CARNMT1: variants seen among roughly 807,000 people sequenced by gnomAD.
CARNMT1 encodes the protein carnosine N-methyltransferase 1.
CARNMT1 carries 28 observed loss-of-function variants against 49.6 expected under a neutral mutation model. That is an observed-to-expected ratio of 0.56 (90% CI 0.42 to 0.77). CARNMT1 has a LOEUF of 0.77. Among genes scored for constraint, CARNMT1 ranks in the 30% least tolerant of loss-of-function variants. CARNMT1 has a pLI of 0.00. For missense variants in CARNMT1, 421 were observed against 512.6 expected (o/e 0.82, Z 1.73); for synonymous variants, 178 against 175.0 (o/e 1.02, Z -0.13).
At chr9:74,998,931 TAC>T (rs1833276826) in intron 4 of CARNMT1, among the ~76,000 whole-genome samples, 155 bp from the exon 5 acceptor site, 1 of 152,112 alleles carries the variant, frequency 6.6e-6, no homozygotes, top group South Asian at 2.1e-4. Context: ...TCTGAAAATG[TAC>T]ATATACATGT....
chr9:75,005,138 C>T (rs577722812), intron 3 of CARNMT1, among the ~76,000 whole-genome samples: 1 of 152,124 alleles, frequency 6.6e-6, no homozygotes, highest in South Asian at 2.1e-4. Flanking sequence ...TATGTTCATA[C>T]GTGAGAAAAA....
chr9:75,027,506 G>A (rs1195371992), intron 1 of CARNMT1: 51 of 983,338 alleles, frequency 5.2e-5, no homozygotes, highest in Non-Finnish European at 6.0e-5. Context: ...GCGCCAAAGA[G>A]GGGTGGGTGG....
At chr9:75,003,484 G>T (rs971404679) in intron 3 of CARNMT1, among the ~76,000 whole-genome samples, 16 of 152,248 alleles carry the variant, frequency 1.1e-4, no homozygotes, top group Non-Finnish European at 1.8e-4. Flanking sequence ...AAGGCGCTAA[G>T]CAGTCTCAAC....
At chr9:75,013,745 T>C (rs192527162) in intron 3 of CARNMT1, among the ~76,000 whole-genome samples, 129 of 152,246 alleles carry the variant, frequency 8.5e-4, no homozygotes, top group African/African-American at 3.0e-3. Flanking sequence ...GGTTTATGCC[T>C]GTAATCCCAA....
chr9:75,027,273 G>T, intron 1 of CARNMT1: 2 of 560,120 alleles, frequency 3.6e-6, no homozygotes, highest in Non-Finnish European at 4.5e-6. Flanking sequence ...TGAATGAGGA[G>T]CATAAAGGTC....
rs549752123 is a variant in CARNMT1 at position 75,016,566 on chromosome 9, C to G, written c.427-135G>C. On this transcript the variant is annotated intron_variant, in intron 2 of 7. Coordinates refer to ENST00000376834, the MANE Select transcript of CARNMT1 (RefSeq NM_152420.3). ...CTAGCCTCTCACCTCAACTGGGGTT[C>G]AAGTGCAGCTTGAGATCCTAAATGA... 5 of 735,174 alleles carry G rather than the reference C, an allele frequency of 6.8e-6. No homozygotes were observed. The East Asian group carries it at 1.0e-4, about 15-fold the overall frequency. 45.5% of individuals were successfully genotyped at this position (735,174 alleles called of 1,614,324 possible). A position where few individuals can be genotyped will look rare whatever the true frequency, so the allele number is the denominator to read the frequency against.
intron 3 of CARNMT1, among the ~76,000 whole-genome samples, chr9:75,006,776 T>C (rs1833523479): frequency 6.6e-6 from 1 of 152,248 alleles, no homozygotes. Flanking sequence ...AAAAATAACC[T>C]ATTAGTACCA....
At chr9:75,020,063 A>C (rs940969805) in intron 1 of CARNMT1, among the ~76,000 whole-genome samples, 2 of 152,212 alleles carry the variant, frequency 1.3e-5, no homozygotes, top group Admixed American at 6.5e-5. Flanking sequence ...GAAAGCAAAG[A>C]AGTAAAAATT....
At chr9:74,987,702 G>T (rs1012519824) in intron 6 of CARNMT1, among the ~76,000 whole-genome samples, 1 of 151,866 alleles carries the variant, frequency 6.6e-6, no homozygotes, top group Non-Finnish European at 1.5e-5. Context: ...AGTGGCCATG[G>T]TTACACAATT....
chr9:75,023,707 G>A lies in CARNMT1; in HGVS notation c.230+4305C>T, dbSNP rs78634006. ...CTATCAGAATTGCTTTAAGGCAGGG[G>A]CCCATTGGCTACCTGGTTTTTGTAC... On this transcript the variant is annotated intron_variant, in intron 1 of 7. Coordinates refer to ENST00000376834, the MANE Select transcript of CARNMT1 (RefSeq NM_152420.3). Among the ~76,000 whole-genome samples the A allele has an allele frequency of 8.5e-5, 13 of 152,282 alleles. No homozygotes were observed. The East Asian group carries it at 2.3e-3, about 27-fold the overall frequency.
At chr9:74,999,609 G>T in intron 4 of CARNMT1, 121 bp downstream of exon 4, 1 of 765,232 alleles carries the variant, frequency 1.3e-6, no homozygotes, top group Non-Finnish European at 2.0e-6. Flanking sequence ...AGACACATTT[G>T]TGATATATAT....
chr9:74,999,980 A>C, intron 3 of CARNMT1, 110 bp from the exon 4 acceptor site: 1 of 906,520 alleles, frequency 1.1e-6, no homozygotes, highest in African/African-American at 1.7e-5. Context: ...GAATAAGCTA[A>C]GACTCTGACT....
intron 6 of CARNMT1, among the ~76,000 whole-genome samples, chr9:74,992,492 TAC>T (rs1018961434): frequency 4.9e-4 from 74 of 152,282 alleles, no homozygotes; most frequent in African/African-American, 1.7e-3. Flanking sequence ...AGTGGATACA[TAC>T]ACACACACTT....
chr9:75,023,854 C>T (rs1475446482), intron 1 of CARNMT1, among the ~76,000 whole-genome samples: 1 of 152,220 alleles, frequency 6.6e-6, no homozygotes, highest in Non-Finnish European at 1.5e-5. Context: ...AAAATATTTA[C>T]TGCCTGGCCC....
At chr9:75,017,547 T>C (rs768971048) in intron 1 of CARNMT1, 99 bp from the exon 2 acceptor site, 59 of 925,772 alleles carry the variant, frequency 6.4e-5, no homozygotes, top group Non-Finnish European at 9.6e-5. Flanking sequence ...TTCCTTATTA[T>C]GCTGGATACT....
chr9:75,011,224 G>A (rs1449639151), intron 3 of CARNMT1, among the ~76,000 whole-genome samples: 1 of 152,170 alleles, frequency 6.6e-6, no homozygotes. Flanking sequence ...AGACAAAACA[G>A]TGCAACCCTT....
chr9:75,024,757 G>A (rs1019664640), intron 1 of CARNMT1, among the ~76,000 whole-genome samples: 3 of 152,130 alleles, frequency 2.0e-5, no homozygotes, highest in African/African-American at 7.2e-5. Context: ...ATTGAACCCT[G>A]CAAAATCTGG....
chr9:75,027,045 A>G, intron 1 of CARNMT1: 1 of 1,300,232 alleles, frequency 7.7e-7, no homozygotes, highest in Non-Finnish European at 1.0e-6. Flanking sequence ...CTATGGGAAC[A>G]GGTTTACCTG....
intron 1 of CARNMT1, 59 bp downstream of exon 1, chr9:75,027,953 C>G: frequency 6.7e-7 from 1 of 1,485,156 alleles, no homozygotes; most frequent in Non-Finnish European, 8.9e-7. Context: ...TCCGGCGGGT[C>G]CGCCGCCACC....
Sources: gnomAD v4.1 joint callset for allele counts (sites outside exome capture counted in the v4.1 genomes callset) on GRCh38, gnomAD v4.1.1 for gene constraint, MANE v1.5 for transcripts, NCBI Gene and HGNC (gene_info 2026-07-23, HGNC 2026-07-21) for gene names.